Variants in ITGA6 observed in about 807,000 individuals in gnomAD.
The protein encoded by ITGA6 is integrin alpha-6.
A neutral mutation model predicts 133.6 loss-of-function variants in ITGA6; 63 were observed. That is an observed-to-expected ratio of 0.47 (90% CI 0.38 to 0.58). The LOEUF (loss-of-function observed/expected upper bound fraction) is 0.58, where lower values mean the gene tolerates loss of function less well. ITGA6 is among the 20% of genes least tolerant of loss of function. The probability of loss-of-function intolerance (pLI) is 0.00; values close to 1 mark genes in which losing one functional copy is unlikely to be tolerated. For synonymous variants in ITGA6, 434 were observed against 482.0 expected (o/e 0.90, Z 1.30); for missense variants, 1,068 against 1,309.4 (o/e 0.82, Z 2.85).
At chr2:172,451,084 G>A (rs1268679173) in intron 1 of ITGA6, among the ~76,000 whole-genome samples, 1 of 151,458 alleles carries the variant, frequency 6.6e-6, no homozygotes, top group Non-Finnish European at 1.5e-5. Context: ...CAACCTGGGA[G>A]GCGGAGGGTG....
chr2:172,454,238 C>T (rs766832168), intron 1 of ITGA6, among the ~76,000 whole-genome samples: 8 of 151,986 alleles, frequency 5.3e-5, no homozygotes, highest in Non-Finnish European at 7.4e-5. Context: ...TGCGTGCCAC[C>T]GTGCCCACCT....
At chr2:172,497,708 A>G (rs976542049) in intron 23 of ITGA6, among the ~76,000 whole-genome samples, 3 of 152,174 alleles carry the variant, frequency 2.0e-5, no homozygotes, top group African/African-American at 7.2e-5. Flanking sequence ...GTTGATAACA[A>G]ATTTTTTTTA....
intron 6 of ITGA6, 103 bp from the exon 7 acceptor site, chr2:172,474,826 G>C: frequency 1.3e-6 from 1 of 749,588 alleles, no homozygotes; most frequent in Non-Finnish European, 2.5e-6. Flanking sequence ...TTCTGGAGTT[G>C]AGGGCCTTTC....
intron 1 of ITGA6, among the ~76,000 whole-genome samples, chr2:172,454,363 G>A (rs1460946607): frequency 6.6e-6 from 1 of 152,070 alleles, no homozygotes; most frequent in African/African-American, 2.4e-5. Flanking sequence ...AGACATGAAG[G>A]GGTGAGTAGG....
chr2:172,501,759 T>G lies in ITGA6; in HGVS notation c.3115-13T>G. The G allele has an allele frequency of 1.2e-6, 2 of 1,611,222 alleles. No homozygotes were observed. Among genetic ancestry groups the G allele is most frequent in the Non-Finnish European group, 1.7e-6 (2 of 1,179,102 alleles). ...AAACTGTAAAATTGACTAAATACCT[T>G]GCTTCCTTGTAGTGTGGTTTCTTCA... is the stretch of plus-strand genomic sequence containing the variant. On this transcript the variant is annotated splice_polypyrimidine_tract_variant and intron_variant, in intron 24 of 25. Coordinates refer to ENST00000684293, the MANE Select transcript of ITGA6 (RefSeq NM_000210.4).
chr2:172,453,551 A>G (rs760793786), intron 1 of ITGA6, among the ~76,000 whole-genome samples: 2 of 152,228 alleles, frequency 1.3e-5, no homozygotes, highest in Non-Finnish European at 2.9e-5. Flanking sequence ...CATGGAATAC[A>G]AAGGTTTTTT....
In ITGA6 at chr2:172,474,082, T is replaced by C. The variant is rs988509917; in HGVS notation, c.803T>C (p.Ile268Thr). 1.9e-6 allele frequency: 3 copies of C among 1,613,346 alleles called. No individual in the cohort carries two copies. The highest frequency in any genetic ancestry group is 3.3e-5 in the Admixed American group (2 of 60,006). Residue 268 changes from isoleucine to threonine, a missense_variant, in exon 6 of 26, where the codon ATT (isoleucine) becomes ACT (threonine). Physicochemically the swap from Ile to Thr is moderately conservative, Grantham distance 89 (BLOSUM62 -1). Transcript: ENST00000684293. ...LGFSLDSGKGIVSKDEITFVS... is the reference protein window; with the variant it reads ...LGFSLDSGKGTVSKDEITFVS... ...TTTTCTTTGGACTCAGGGAAAGGTA[T>C]TGTTTCTAAAGATGAGATCACTTTT... is the stretch of plus-strand genomic sequence containing the variant.
intron 1 of ITGA6, among the ~76,000 whole-genome samples, chr2:172,430,406 T>C (rs535452773): frequency 2.6e-5 from 4 of 152,342 alleles, no homozygotes; most frequent in African/African-American, 9.6e-5. Context: ...CTCAGTCATA[T>C]TTATGAAACC....
rs1687560653 is a variant in ITGA6 at position 172,506,296 on chromosome 2, A to G, written c.*2228A>G. 6.6e-6 allele frequency: 1 copy of G among 152,616 alleles called. No homozygotes were observed. Among genetic ancestry groups the G allele is most frequent in the African/African-American group, 2.4e-5 (1 of 41,452 alleles). The allele number at this position is 152,616 out of a possible 1,614,324, so 9.5% of individuals were successfully genotyped here. A position where few individuals can be genotyped will look rare whatever the true frequency, so the allele number is the denominator to read the frequency against. On this transcript the variant is annotated 3_prime_UTR_variant, in exon 26 of 26. Coordinates refer to ENST00000684293, the MANE Select transcript of ITGA6 (RefSeq NM_000210.4). ...CATCAAACCAAAGTTCAGTGTTTTT[A>G]TTTTTGGTGTCTCATGTAATCTCAG...
At chr2:172,459,875 C>A (rs1304027161) in intron 1 of ITGA6, among the ~76,000 whole-genome samples, 1 of 152,142 alleles carries the variant, frequency 6.6e-6, no homozygotes, top group Non-Finnish European at 1.5e-5. Context: ...GGTCCAGGGG[C>A]TCTGAGAAGG....
chr2:172,485,338 G>C (rs1686621354), intron 13 of ITGA6, 74 bp downstream of exon 13: 1 of 1,292,482 alleles, frequency 7.7e-7, no homozygotes. Context: ...TCTTTGAAGG[G>C]AATAGAACTA....
At chr2:172,432,537 T>C (rs552932313) in intron 1 of ITGA6, among the ~76,000 whole-genome samples, 5 of 152,392 alleles carry the variant, frequency 3.3e-5, no homozygotes, top group African/African-American at 1.2e-4. Flanking sequence ...GAAATCCCTT[T>C]CTTTAACCCT....
At chr2:172,441,969 C>T (rs982615384) in intron 1 of ITGA6, among the ~76,000 whole-genome samples, 4 of 152,274 alleles carry the variant, frequency 2.6e-5, no homozygotes, top group African/African-American at 9.6e-5. Context: ...AGCTTAAGTA[C>T]GTCGGTTCGT....
rs759843309 is a variant in ITGA6 at position 172,467,509 on chromosome 2, T to G, written c.336T>G (p.Asp112Glu). The stretch of plus-strand genomic sequence containing the variant: ...ACCCCACGTCAGAAAGCAAGGAAGA[T>G]CAGTGGATGGGGGTCACCGTCCAGA... ...DADPTSESKEDQWMGVTVQSQ... is the reference protein window; with the variant it reads ...DADPTSESKEEQWMGVTVQSQ... The change falls in exon 3 of 26, where the codon GAT (aspartate) becomes GAG (glutamate). Residue 112 changes from aspartate to glutamate, a missense_variant. This residue lies in a region of ITGA6 where 317 missense variants were observed against 456.9 expected (regional missense o/e 0.69). Coordinates refer to ENST00000684293, the MANE Select transcript of ITGA6 (RefSeq NM_000210.4). 2 of 1,613,808 alleles carry G rather than the reference T, an allele frequency of 1.2e-6. No homozygotes were observed. The highest frequency in any genetic ancestry group is 4.5e-5 in the East Asian group (2 of 44,874).
In ITGA6 at chr2:172,504,145, G is replaced by T. The variant is rs376629925; in HGVS notation, c.*77G>T. The T allele has an allele frequency of 1.8e-5, 28 of 1,598,490 alleles. No homozygotes were observed. The highest frequency in any genetic ancestry group is 2.2e-5 in the Non-Finnish European group (26 of 1,171,710). On this transcript the variant is annotated 3_prime_UTR_variant, in exon 26 of 26. Transcript: ENST00000684293. ...TGACAGTGTTCCCCGATACCATGCT[G>T]TAAGGATCCGGAAAGAAGAGCGAGA...
At chr2:172,445,660 A>AAAAG (rs1684736866) in intron 1 of ITGA6, among the ~76,000 whole-genome samples, 1 of 151,498 alleles carries the variant, frequency 6.6e-6, no homozygotes, top group Non-Finnish European at 1.5e-5. Flanking sequence ...TTTAAAAAAA[A>AAAAG]AAAAAAGAAA....
rs970772074 is a variant in ITGA6 at position 172,491,517 on chromosome 2, C to T, written c.2982C>T (p.Gly994=). The change falls in exon 23 of 26, where the codon GGC becomes GGT. Residue 994 remains glycine (G), a synonymous_variant. Coordinates refer to ENST00000684293, the MANE Select transcript of ITGA6 (RefSeq NM_000210.4). This position sits in a 1 kb window ranked among gnomAD's most constrained non-coding sequence, Gnocchi z 4.4. ...AAENIRLPNA[G]TQVRVTVFPS... is the part of the protein sequence containing the mutation. ...AAAATATCAGGCTGCCAAATGCAGG[C>T]ACTCAGGTGAGAGGTTCCCCAGCTT... The T allele has an allele frequency of 3.7e-6, 6 of 1,608,504 alleles. No homozygotes were observed. The highest frequency in any genetic ancestry group is 1.7e-5 in the Admixed American group (1 of 59,944).
intron 1 of ITGA6, among the ~76,000 whole-genome samples, chr2:172,437,904 G>T (rs532078983): frequency 6.6e-6 from 1 of 151,850 alleles, no homozygotes; most frequent in Admixed American, 6.6e-5. Context: ...TGAAAGATCA[G>T]TTATATCAAA....
At chr2:172,472,751 T>C in intron 5 of ITGA6, 1 of 1,456,642 alleles carries the variant, frequency 6.9e-7, no homozygotes, top group East Asian at 2.3e-5. Flanking sequence ...CTTCAATTTC[T>C]TCCGTCCCGT....
Sources: gnomAD v4.1 joint callset for allele counts (sites outside exome capture counted in the v4.1 genomes callset) on GRCh38, gnomAD v4.1.1 for gene constraint, gnomAD v4.1.1 regional missense constraint, Gnocchi (gnomAD v3.1) non-coding constraint, MANE v1.5 for transcripts, NCBI Gene and HGNC (gene_info 2026-07-23, HGNC 2026-07-21) for gene names.